Variants in DMD observed in about 807,000 individuals in gnomAD.
DMD encodes the protein dystrophin.
A neutral mutation model predicts 330.1 loss-of-function variants in DMD; 63 were observed. The observed-to-expected ratio is 0.19, with a 90% CI of 0.16 to 0.24. DMD has a LOEUF of 0.24. Ranked by LOEUF, DMD falls within the 10% of genes least tolerant of loss-of-function variation. DMD has a pLI of 1.00. For synonymous variants in DMD, 1,223 were observed against 959.8 expected, an observed-to-expected ratio of 1.27 and a Z score of -5.07; for missense variants, 3,344 against 2,684.1, an observed-to-expected ratio of 1.25 and a Z score of -5.43.
chrX:32,876,398 G>A (rs188398934), intron 2 of DMD, among the ~76,000 whole-genome samples: 2 of 111,962 alleles, frequency 1.8e-5, no homozygotes, highest in Admixed American at 9.4e-5. Context: ...AACCGTTCTT[G>A]TAAGTACTCC....
intron 43 of DMD, among the ~76,000 whole-genome samples, chrX:32,217,681 A>G (rs985464867): frequency 9.1e-6 from 1 of 110,070 alleles, no homozygotes; most frequent in Admixed American, 9.7e-5. Flanking sequence ...GTTTGAGGCT[A>G]TGGATCTGCC....
intron 4 of DMD, among the ~76,000 whole-genome samples, chrX:32,828,236 T>C (rs1050615519): frequency 3.6e-5 from 4 of 111,597 alleles, no homozygotes; most frequent in African/African-American, 1.3e-4. Context: ...TTTGGGTATA[T>C]ACCAAATAAT....
At chrX:32,642,473 G>C (rs1449524303) in intron 11 of DMD, among the ~76,000 whole-genome samples, 2 of 111,749 alleles carry the variant, frequency 1.8e-5, no homozygotes, top group African/African-American at 3.2e-5. Context: ...TGCCATTTTA[G>C]CATTTCCATT....
In DMD at chrX:31,458,327, ATAT is replaced by A. The variant is rs1352794979; in HGVS notation, c.8938-13703_8938-13701del. 3.6e-5 allele frequency among the ~76,000 whole-genome samples: 4 copies of A among 110,723 alleles called. No individual in the cohort carries two copies. In the South Asian group the frequency reaches 1.2e-3, roughly 32 times the overall value. On this transcript the variant is annotated intron_variant, in intron 59 of 78. Coordinates refer to ENST00000357033, the MANE Select transcript of DMD (RefSeq NM_004006.3). ...TCACCATAAAATTGATATTTTCAAG[ATAT>A]TATTCTGATTTTTATGATCACATCT...
chrX:33,292,682 GA>G (rs1263609847), intron 1 of DMD, among the ~76,000 whole-genome samples: 1 of 109,376 alleles, frequency 9.1e-6, no homozygotes, highest in Non-Finnish European at 1.9e-5. Flanking sequence ...TATAGATGAA[GA>G]AAAAAAAGAA....
intron 44 of DMD, among the ~76,000 whole-genome samples, chrX:32,107,068 A>G (rs996298396): frequency 3.6e-5 from 4 of 111,338 alleles, no homozygotes; most frequent in African/African-American, 1.3e-4. Context: ...TTGAAGAGGA[A>G]TGCATTTGAT....
intron 62 of DMD, among the ~76,000 whole-genome samples, chrX:31,318,231 A>T (rs1244092419): frequency 8.9e-6 from 1 of 112,022 alleles, no homozygotes; most frequent in African/African-American, 3.2e-5. Context: ...GGTACTAAAA[A>T]CCAGACCAAG....
At chrX:32,789,101 T>C (rs1047334407) in intron 7 of DMD, among the ~76,000 whole-genome samples, 3 of 111,953 alleles carry the variant, frequency 2.7e-5, no homozygotes, top group Non-Finnish European at 5.6e-5. Context: ...AACATGTCCG[T>C]GAAGCAATAA....
chrX:33,095,148 A>G (rs1603271477), intron 1 of DMD, among the ~76,000 whole-genome samples: 1 of 112,597 alleles, frequency 8.9e-6, no homozygotes, highest in African/African-American at 3.2e-5. Context: ...CTTAATGTGT[A>G]CAACACACAT....
At chrX:32,801,051 G>A (rs955688713) in intron 7 of DMD, among the ~76,000 whole-genome samples, 2 of 111,412 alleles carry the variant, frequency 1.8e-5, no homozygotes, top group Non-Finnish European at 3.8e-5. Context: ...CCAGTGATGG[G>A]ATTGCTTGGT....
chrX:31,918,042 A>G (rs2094632993), intron 47 of DMD, among the ~76,000 whole-genome samples: 1 of 111,945 alleles, frequency 8.9e-6, no homozygotes, highest in Non-Finnish European at 1.9e-5. Flanking sequence ...AGTGATGCTC[A>G]ATGAAACAAC....
At chrX:33,276,203 C>T (rs1379174652) in intron 1 of DMD, among the ~76,000 whole-genome samples, 1 of 111,574 alleles carries the variant, frequency 9.0e-6, no homozygotes, top group Non-Finnish European at 1.9e-5. Context: ...TCGGTAAATG[C>T]CATTTGAGGA....
intron 11 of DMD, among the ~76,000 whole-genome samples, chrX:32,615,740 A>C (rs1290437698): frequency 9.0e-6 from 1 of 111,344 alleles, no homozygotes; most frequent in African/African-American, 3.3e-5. Flanking sequence ...TTTTAGATTC[A>C]CGAAAAATTA....
At chrX:32,307,502 A>G (rs2097544930) in intron 42 of DMD, among the ~76,000 whole-genome samples, 1 of 111,934 alleles carries the variant, frequency 8.9e-6, no homozygotes, top group Admixed American at 9.5e-5. Context: ...GCTACCAGTC[A>G]GAGTACAAGG....
intron 43 of DMD, among the ~76,000 whole-genome samples, chrX:32,265,805 G>C (rs781645498): frequency 8.9e-6 from 1 of 112,379 alleles, no homozygotes; most frequent in African/African-American, 3.2e-5. Context: ...CATCTGGAAT[G>C]GGTGTATTTA....
chrX:32,592,821 C>G (rs960410843), intron 13 of DMD, among the ~76,000 whole-genome samples: 1 of 112,183 alleles, frequency 8.9e-6, no homozygotes, highest in Admixed American at 9.4e-5. Context: ...TCTGTGGTTC[C>G]TGGTGTCTCT....
intron 60 of DMD, among the ~76,000 whole-genome samples, chrX:31,434,423 CACACACACACACA>C (rs2064343163): frequency 4.2e-5 from 1 of 23,702 alleles, no homozygotes; most frequent in African/African-American, 2.0e-4. Flanking sequence ...CGCGCGCACA[CACACACACACACA>C]CACACACACA....
chrX:31,128,079 GGGA>G (rs1401519532), intron 77 of DMD, among the ~76,000 whole-genome samples: 2 of 111,669 alleles, frequency 1.8e-5, no homozygotes, highest in African/African-American at 6.5e-5. Context: ...CCATCATTTG[GGGA>G]GGAGAACATC....
chrX:32,656,796 G>C (rs1265551754), intron 9 of DMD, among the ~76,000 whole-genome samples: 4 of 111,583 alleles, frequency 3.6e-5, no homozygotes. Context: ...TAAATTGTTT[G>C]GGGTAATTTT....
Sources: allele counts gnomAD v4.1 joint callset (sites outside exome capture counted in the v4.1 genomes callset), GRCh38; gene constraint gnomAD v4.1.1; transcripts MANE v1.5; gene names NCBI Gene and HGNC (gene_info 2026-07-23, HGNC 2026-07-21).